The following TBC1D9B variants were observed in gnomAD, a reference collection of about 807,000 sequenced individuals.
TBC1D9B encodes TBC1 domain family, member 9B (with GRAM domain).
Under a neutral mutation model 121.1 loss-of-function variants are expected in TBC1D9B, and 87 were observed. The ratio of observed to expected loss-of-function variants is 0.72; its 90% CI spans 0.60 to 0.86. TBC1D9B has a LOEUF of 0.86. Ranked by LOEUF, TBC1D9B falls within the 40% of genes least tolerant of loss-of-function variation. TBC1D9B has a pLI of 0.00. For synonymous variants in TBC1D9B, 668 were observed against 670.1 expected, an observed-to-expected ratio of 1.00 and a Z score of 0.05; for missense variants, 1,540 against 1,628.6, an observed-to-expected ratio of 0.95 and a Z score of 0.94.
chr5:179,882,248 T>A (rs968147553), intron 7 of TBC1D9B, among the ~76,000 whole-genome samples: 6 of 152,214 alleles, frequency 3.9e-5, no homozygotes, highest in Non-Finnish European at 8.8e-5. Context: ...CCCAGCCTCA[T>A]ATACCTCCCT....
At chr5:179,880,263 C>G (rs2113621749) in intron 7 of TBC1D9B, among the ~76,000 whole-genome samples, 1 of 152,346 alleles carries the variant, frequency 6.6e-6, no homozygotes, top group South Asian at 2.1e-4. Context: ...ATGAGTGGCC[C>G]TTCTGCAGGA....
chr5:179,894,512 G>T lies in TBC1D9B; in HGVS notation c.451C>A (p.Pro151Thr). Residue 151 changes from proline (P) to threonine (T), a missense_variant, in exon 4 of 21, where the codon CCT becomes ACT. Physicochemically the swap from Pro to Thr is conservative, Grantham distance 38. Coordinates refer to ENST00000355235, the MANE Select transcript of TBC1D9B (RefSeq NM_015043.4). ...TAATTCACCAGCTTCTCGCCCTCAGGCATCCCAAACTGCTTCCGCATCTTC... is the reference window on the plus strand; with the variant it reads ...TAATTCACCAGCTTCTCGCCCTCAGTCATCCCAAACTGCTTCCGCATCTTC... ...ELKMRKQFGM[P>T]EGEKLVNYYS... 6.2e-7 allele frequency: 1 copy of T among 1,614,232 alleles called. No homozygotes were observed. Among genetic ancestry groups the T allele is most frequent in the Non-Finnish European group, 8.5e-7 (1 of 1,180,028 alleles).
rs528270049 is a variant in TBC1D9B, at chr5:179,894,399, C to T, written c.564G>A (p.Leu188=). Residue 188 remains leucine, a synonymous_variant, in exon 4 of 21, where the codon CTG becomes CTA. Transcript: ENST00000355235. Reference sequence around the variant, plus strand: ...GGGCGGGCTCACCTTCCTTCCCCAGCAGGAAGGAGTAGAAGCACAGGTGGT... The same window carrying T: ...GGGCGGGCTCACCTTCCTTCCCCAGTAGGAAGGAGTAGAAGCACAGGTGGT... ...TVNHLCFYSF[L]LGKEVSLVVQ... is the part of the protein sequence containing the mutation. 2 of 1,612,866 alleles carry T rather than the reference C, an allele frequency of 1.2e-6. No homozygotes were observed. The highest frequency in any genetic ancestry group is 3.3e-5 in the Admixed American group (2 of 59,908).
Position 179,869,817 on chromosome 5 carries a change from C to A in TBC1D9B, c.2743G>T (p.Asp915Tyr). ...AGCACCTTGAGCTTCTCTGTCAGGT[C>A]CCCGTGGTACATCCCGCCTGTGGAG... Reference protein sequence around the residue: ...VTGMSGMYHGDLTEKLKVLYK... With the variant: ...VTGMSGMYHGYLTEKLKVLYK... The change falls in exon 17 of 21, where the codon GAC becomes TAC. Residue 915 changes from aspartate to tyrosine, a missense_variant. Asp to Tyr is a radical substitution (Grantham distance 160). Transcript: ENST00000355235. The A allele has an allele frequency of 6.4e-7, 1 of 1,562,732 alleles. No individual in the cohort carries two copies. The highest frequency in any genetic ancestry group is 8.7e-7 in the Non-Finnish European group (1 of 1,152,364).
chr5:179,873,192 C>G lies in TBC1D9B; in HGVS notation c.2243G>C (p.Arg748Pro). Residue 748 changes from arginine (R) to proline (P), a missense_variant, in exon 13 of 21, where the codon CGT (arginine) becomes CCT (proline). Coordinates refer to ENST00000355235, the MANE Select transcript of TBC1D9B (RefSeq NM_015043.4). The part of the protein sequence containing the change: ...QSVSPPIPHL[R>P]ALLSSSDDPP... ...GTCATCGCTGCTGCTCAGCAAGGCA[C>G]GGAGGTGCGGGATAGGAGGAGAGAC... 1 of 1,613,294 alleles carries G rather than the reference C, an allele frequency of 6.2e-7. No homozygotes were observed. Among genetic ancestry groups the G allele is most frequent in the Non-Finnish European group, 8.5e-7 (1 of 1,179,714 alleles).
intron 20 of TBC1D9B, among the ~76,000 whole-genome samples, 175 bp from the exon 21 acceptor site, chr5:179,864,303 G>A (rs1561630811): frequency 6.6e-6 from 1 of 152,120 alleles, no homozygotes; most frequent in South Asian, 2.1e-4. Flanking sequence ...GCTCAGAGAG[G>A]CCACACAGCT....
intron 2 of TBC1D9B, among the ~76,000 whole-genome samples, chr5:179,903,492 G>A (rs1761220113): frequency 6.6e-6 from 1 of 152,174 alleles, no homozygotes; most frequent in Admixed American, 6.5e-5. Context: ...TAAGGTGGCC[G>A]CGAACACTGA....
chr5:179,875,844 C>T lies in TBC1D9B; in HGVS notation c.1900+76G>A. On this transcript the variant is annotated intron_variant, in intron 11 of 20. Transcript: ENST00000355235. The surrounding 1 kb of genome is among the most constrained non-coding windows in gnomAD (Gnocchi z 4.5). ...ACCCACGTGAAGCCTGGAGCTTGGC[C>T]TGGGAAGGGCTGCCACCCTCATGGA... is the stretch of plus-strand genomic sequence containing the variant. 8.0e-7 allele frequency: 1 copy of T among 1,242,640 alleles called. No individual in the cohort carries two copies. Among genetic ancestry groups the T allele is most frequent in the South Asian group, 1.6e-5 (1 of 62,860 alleles). 77.0% of individuals were successfully genotyped at this position (1,242,640 alleles called of 1,614,324 possible). A position where few individuals can be genotyped will look rare whatever the true frequency, so the allele number is the denominator to read the frequency against.
At chr5:179,879,303 C>A in intron 8 of TBC1D9B, 106 bp from the exon 9 acceptor site, 1 of 1,460,680 alleles carries the variant, frequency 6.8e-7, no homozygotes, top group African/African-American at 1.4e-5. Context: ...TGCTGGCCAG[C>A]AAGTGTGGCC....
chr5:179,867,854 G>A lies in TBC1D9B; in HGVS notation c.2792-5C>T. The A allele has an allele frequency of 1.3e-6, 2 of 1,512,496 alleles. No individual in the cohort carries two copies. The highest frequency in any genetic ancestry group is 1.8e-6 in the Non-Finnish European group (2 of 1,130,568). 93.7% of individuals were successfully genotyped at this position (1,512,496 alleles called of 1,614,324 possible). On this transcript the variant is annotated splice_region_variant and splice_polypyrimidine_tract_variant and intron_variant, in intron 17 of 20. Transcript: ENST00000355235. ...CGGCTTCCTCTGGGCTCAGAGCTGTGCTTGGAGAGAAGGCAGAGTGAGGGC... is the reference window on the plus strand; with the variant it reads ...CGGCTTCCTCTGGGCTCAGAGCTGTACTTGGAGAGAAGGCAGAGTGAGGGC...
intron 7 of TBC1D9B, chr5:179,880,031 A>T: frequency 1.7e-6 from 1 of 576,622 alleles, no homozygotes; most frequent in South Asian, 2.1e-5. Flanking sequence ...CCAGCGAGTC[A>T]GTCTCAGGGA....
chr5:179,871,637 C>T (rs562780790), intron 14 of TBC1D9B, 107 bp from the exon 15 acceptor site: 13 of 1,233,860 alleles, frequency 1.1e-5, no homozygotes, highest in East Asian at 7.6e-5. Flanking sequence ...GGGTGTGAAC[C>T]GCCCTCTCAG....
intron 18 of TBC1D9B, chr5:179,866,887 A>AGATCTCGG: frequency 6.5e-6 from 1 of 153,680 alleles, no homozygotes; most frequent in Non-Finnish European, 1.4e-5. Context: ...AGGTGGCATT[A>AGATCTCGG]TGGTCGGTTT....
rs947495684 is a variant in TBC1D9B at position 179,891,953 on chromosome 5, C to G, written c.837-367G>C. Among the ~76,000 whole-genome samples the G allele has an allele frequency of 6.6e-6, 1 of 152,168 alleles. No homozygotes were observed. The highest frequency in any genetic ancestry group is 1.5e-5 in the Non-Finnish European group (1 of 68,014). The stretch of plus-strand genomic sequence containing the variant: ...CTGGATCCCACTCAGATGGAGGGCC[C>G]CGGGCAGCTCTTCCACCCTGGGCAG... On this transcript the variant is annotated intron_variant, in intron 5 of 20. Transcript: ENST00000355235. The surrounding 1 kb of genome is among the most constrained non-coding windows in gnomAD (Gnocchi z 4.3).
rs1582096767 is a variant in TBC1D9B at position 179,891,499 on chromosome 5, G to A, written c.924C>T (p.Cys308=). 1.2e-6 allele frequency: 2 copies of A among 1,614,210 alleles called. No homozygotes were observed. The highest frequency in any genetic ancestry group is 8.5e-7 in the Non-Finnish European group (1 of 1,180,042). ...RDERLDGHTS[C]TLWTPFNKLH... ...GCTTGTTGAACGGCGTCCACAGGGT[G>A]CAGCTTGTGTGGCCGTCTAGCCGCT... The change falls in exon 6 of 21, where the codon TGC becomes TGT. Residue 308 remains cysteine (C), a synonymous_variant. Transcript: ENST00000355235. The surrounding 1 kb of genome is among the most constrained non-coding windows in gnomAD (Gnocchi z 4.3).
rs1346361589 is a variant in TBC1D9B at position 179,890,739 on chromosome 5, T to G, written c.1044+640A>C. On this transcript the variant is annotated intron_variant, in intron 6 of 20. Coordinates refer to ENST00000355235, the MANE Select transcript of TBC1D9B (RefSeq NM_015043.4). The surrounding 1 kb of genome is among the most constrained non-coding windows in gnomAD (Gnocchi z 5.0). ...TGGGACCTGTCCTGACTCAGTCTCA[T>G]GCCTTCTATTTGGGCAAGGGCCCTT... Among the ~76,000 whole-genome samples, 1 of 152,218 alleles carries G rather than the reference T, an allele frequency of 6.6e-6. No homozygotes were observed. Among genetic ancestry groups the G allele is most frequent in the Non-Finnish European group, 1.5e-5 (1 of 68,034 alleles).
chr5:179,878,906 G>A, intron 9 of TBC1D9B, 141 bp downstream of exon 9: 1 of 1,231,644 alleles, frequency 8.1e-7, no homozygotes, highest in Non-Finnish European at 1.1e-6. Context: ...AGAGCCCAGA[G>A]CCCGGCTCCC....
Position 179,907,892 on chromosome 5 carries a change from G to A in TBC1D9B, c.-71C>T. Reference sequence around the variant, plus strand: ...CCGCCGCCGTCGGCGTCCCGGAGCGGAGCGTGCGGAGCGGAGCGTGCGGAG... The same window carrying A: ...CCGCCGCCGTCGGCGTCCCGGAGCGAAGCGTGCGGAGCGGAGCGTGCGGAG... On this transcript the variant is annotated 5_prime_UTR_variant, in exon 1 of 21. Coordinates refer to ENST00000355235, the MANE Select transcript of TBC1D9B (RefSeq NM_015043.4). This position sits in a 1 kb window ranked among gnomAD's most constrained non-coding sequence, Gnocchi z 5.3. The A allele has an allele frequency of 6.9e-6, 6 of 874,046 alleles. No homozygotes were observed. In the South Asian group the frequency reaches 1.4e-4, roughly 21 times the overall value. The allele number at this position is 874,046 out of a possible 1,614,324, so 54.1% of individuals were successfully genotyped here.
chr5:179,906,293 G>A (rs575842920), intron 1 of TBC1D9B, among the ~76,000 whole-genome samples: 1 of 152,242 alleles, frequency 6.6e-6, no homozygotes, highest in Non-Finnish European at 1.5e-5. Flanking sequence ...ATTGGGAGAG[G>A]GTTCAAAGAA....
Sources: gnomAD v4.1 joint callset for allele counts (sites outside exome capture counted in the v4.1 genomes callset) on GRCh38, gnomAD v4.1.1 for gene constraint, Gnocchi (gnomAD v3.1) non-coding constraint, MANE v1.5 for transcripts, NCBI Gene and HGNC (gene_info 2026-07-23, HGNC 2026-07-21) for gene names.